C19orf44: variants seen among roughly 807,000 people sequenced by gnomAD.
The protein encoded by C19orf44 is uncharacterized protein C19orf44.
C19orf44 carries 43 observed loss-of-function variants against 50.7 expected under a neutral mutation model. That is an observed-to-expected ratio of 0.85 (90% confidence interval 0.66 to 1.09). C19orf44 has a LOEUF of 1.09. Ranked by LOEUF, C19orf44 falls within the 50% of genes least tolerant of loss-of-function variation. The pLI is 0.00. For missense variants in C19orf44, 722 were observed against 836.2 expected (o/e 0.86, Z 1.68); for synonymous variants, 298 against 334.7 (o/e 0.89, Z 1.20).
In C19orf44 at chr19:16,503,101, G is replaced by A. The variant is rs775675044; in HGVS notation, c.796G>A (p.Val266Met). The change falls in exon 3 of 9, where the codon GTG becomes ATG. Residue 266 changes from valine (V) to methionine (M), a missense_variant. Transcript: ENST00000221671. The part of the protein sequence containing the change: ...SQLRAFTVPS[V>M]ELSSAKPSQT... ...ACTGAGAGCATTTACTGTACCCAGC[G>A]TGGAACTCTCCAGCGCAAAGCCTTC... 50 of 1,613,898 alleles carry A rather than the reference G, an allele frequency of 3.1e-5. No homozygotes were observed. The highest frequency in any genetic ancestry group is 1.6e-4 in the Middle Eastern group (1 of 6,084).
Position 16,501,169 on chromosome 19 carries a change from G to T in C19orf44, c.377G>T (p.Gly126Val). The T allele has an allele frequency of 6.2e-7, 1 of 1,614,104 alleles. No individual in the cohort carries two copies. The highest frequency in any genetic ancestry group is 8.5e-7 in the Non-Finnish European group (1 of 1,180,050). Residue 126 changes from glycine to valine, a missense_variant, in exon 2 of 9, where the codon GGT becomes GTT. Transcript: ENST00000221671. ...TESDSMTADA[G>V]LPKRADRILS... is the part of the protein sequence containing the mutation. ...TCTGACTCAATGACCGCCGATGCTG[G>T]TCTTCCAAAGAGAGCTGACAGAATC...
chr19:16,503,317 G>A lies in C19orf44; in HGVS notation c.1012G>A (p.Gly338Arg), dbSNP rs2093431311. The A allele has an allele frequency of 6.2e-7, 1 of 1,614,036 alleles. No individual in the cohort carries two copies. The highest frequency in any genetic ancestry group is 8.5e-7 in the Non-Finnish European group (1 of 1,180,034). Reference sequence around the variant, plus strand: ...GCATGTCAAGCTTGTGTCCTCCCCGGGAAGGAGTGAGGCTGAGACTGTGGA... The same window carrying A: ...GCATGTCAAGCTTGTGTCCTCCCCGAGAAGGAGTGAGGCTGAGACTGTGGA... ...MGHVKLVSSP[G>R]RSEAETVDEP... The change falls in exon 3 of 9, where the codon GGA becomes AGA. Residue 338 changes from glycine (G) to arginine (R), a missense_variant. Gly to Arg is a moderately radical substitution (Grantham distance 125, BLOSUM62 -2). Coordinates refer to ENST00000221671, the MANE Select transcript of C19orf44 (RefSeq NM_032207.4).
intron 6 of C19orf44, among the ~76,000 whole-genome samples, chr19:16,514,154 A>G (rs1418937998): frequency 4.1e-5 from 6 of 144,942 alleles, no homozygotes; most frequent in African/African-American, 1.5e-4. Flanking sequence ...CACCTGGCTA[A>G]TTTTTTTTTT....
intron 5 of C19orf44, among the ~76,000 whole-genome samples, chr19:16,511,794 G>C (rs776047588): frequency 6.6e-6 from 1 of 151,868 alleles, no homozygotes; most frequent in African/African-American, 2.4e-5. Context: ...AAGGTAGACT[G>C]GATGTGAAAA....
chr19:16,514,609 G>T lies in C19orf44; in HGVS notation c.1848G>T (p.Leu616=). 2 of 1,600,678 alleles carry T rather than the reference G, an allele frequency of 1.2e-6. No individual in the cohort carries two copies. The highest frequency in any genetic ancestry group is 1.7e-6 in the Non-Finnish European group (2 of 1,174,874). ...GCCGGCACCTGCACGCCTCCCTCCT[G>T]CGCTCCCTGGACGCGGACTCCTTCC... ...QASRHLHASL[L]RSLDADSFHY... The change falls in exon 7 of 9, where the codon CTG becomes CTT. Residue 616 remains leucine (L), a synonymous_variant. Coordinates refer to ENST00000221671, the MANE Select transcript of C19orf44 (RefSeq NM_032207.4).
Position 16,520,852 on chromosome 19 carries a change from C to A in C19orf44, c.*799C>A. The A allele has an allele frequency of 6.2e-7, 1 of 1,613,912 alleles. No individual in the cohort carries two copies. Among genetic ancestry groups the A allele is most frequent in the Non-Finnish European group, 8.5e-7 (1 of 1,180,042 alleles). On this transcript the variant is annotated 3_prime_UTR_variant, in exon 9 of 9. Coordinates refer to ENST00000221671, the MANE Select transcript of C19orf44 (RefSeq NM_032207.4). This position sits in a 1 kb window ranked among gnomAD's most constrained non-coding sequence, Gnocchi z 4.0. ...TGTTCCTCTTCTCCTGGCCTTTCCT[C>A]CGCCGGGCCCGCATTTTTGCTCGGA...
At chr19:16,502,308 GCTCACTGCAA>G (rs1233195600) in intron 2 of C19orf44, among the ~76,000 whole-genome samples, 1 of 146,764 alleles carries the variant, frequency 6.8e-6, no homozygotes, top group Non-Finnish European at 1.5e-5. Context: ...CCTGATCTCG[GCTCACTGCAA>G]CTTCTGCCTC....
chr19:16,510,503 C>T (rs1345198518), intron 5 of C19orf44, among the ~76,000 whole-genome samples: 2 of 152,148 alleles, frequency 1.3e-5, no homozygotes, highest in East Asian at 3.9e-4. Context: ...AGCCCTGAAG[C>T]ATTCAGAAGG....
At chr19:16,507,023 A>G (rs997926123) in intron 4 of C19orf44, among the ~76,000 whole-genome samples, 1 of 152,088 alleles carries the variant, frequency 6.6e-6, no homozygotes, top group Non-Finnish European at 1.5e-5. Flanking sequence ...TTAGGCCTAT[A>G]GTTTTCAAAT....
Position 16,505,725 on chromosome 19 carries a change from C to T in C19orf44, c.1076-976C>T, listed in dbSNP as rs937803616. ...TGAGACGGAGCCTTGCTCTGTCACC[C>T]GGGCTGGAGTGCAGTGGCATGATCT... is the stretch of plus-strand genomic sequence containing the variant. On this transcript the variant is annotated intron_variant, in intron 3 of 8. Coordinates refer to ENST00000221671, the MANE Select transcript of C19orf44 (RefSeq NM_032207.4). Among the ~76,000 whole-genome samples, 10 of 152,124 alleles carry T rather than the reference C, an allele frequency of 6.6e-5. No individual in the cohort carries two copies. The South Asian group carries it at 1.4e-3, about 22-fold the overall frequency.
Position 16,509,706 on chromosome 19 carries a change from C to T in C19orf44, c.1357C>T (p.Gln453Ter). ...AIQQDSTSSM[Q>*]PPSEAPMVNT... The stretch of plus-strand genomic sequence containing the variant: ...CCAGCAGGACAGCACTTCCAGCATG[C>T]AGCCACCATCTGAAGCCCCCATGGT... The change falls in exon 5 of 9, where the codon CAG becomes TAG. Residue 453 changes from glutamine to a stop codon, truncating the protein, a stop_gained. Transcript: ENST00000221671. LOFTEE classifies it high-confidence loss of function. 6.2e-7 allele frequency: 1 copy of T among 1,614,256 alleles called. No homozygotes were observed. Among genetic ancestry groups the T allele is most frequent in the African/African-American group, 1.3e-5 (1 of 75,070 alleles).
In C19orf44 at chr19:16,517,309, C is replaced by CA. The variant is rs2085546522; in HGVS notation, c.*9dup. ...GTGAACAAGGAGCTGTGAGCGCCAGCAGGTGGAGCTTGACGTGACGTCTTA... is the reference window on the plus strand; with the variant it reads ...GTGAACAAGGAGCTGTGAGCGCCAGCAAGGTGGAGCTTGACGTGACGTCTTA... On this transcript the variant is annotated 3_prime_UTR_variant, in exon 8 of 9. Transcript: ENST00000221671. 1 of 1,613,544 alleles carries CA rather than the reference C, an allele frequency of 6.2e-7. No individual in the cohort carries two copies. The highest frequency in any genetic ancestry group is 1.3e-5 in the African/African-American group (1 of 74,944).
intron 8 of C19orf44, chr19:16,518,760 C>T (rs535821588): frequency 2.7e-5 from 6 of 224,576 alleles, no homozygotes; most frequent in Non-Finnish European, 4.4e-5. Context: ...GGTGCCGGCT[C>T]TGGCTCAGGC....
In C19orf44 at chr19:16,507,750, C is replaced by T. The variant is rs977109873; in HGVS notation, c.1149+976C>T. Among the ~76,000 whole-genome samples the T allele has an allele frequency of 5.9e-5, 9 of 151,774 alleles. 1 individual carries two copies. Among genetic ancestry groups the T allele is most frequent in the Admixed American group, 3.3e-4 (5 of 15,210 alleles). ...CAAGTGATCCACCTGCCTTGGCCCCCCAAAGTGCTGGGATTACAGGCATGA... is the reference window on the plus strand; with the variant it reads ...CAAGTGATCCACCTGCCTTGGCCCCTCAAAGTGCTGGGATTACAGGCATGA... On this transcript the variant is annotated intron_variant, in intron 4 of 8. Coordinates refer to ENST00000221671, the MANE Select transcript of C19orf44 (RefSeq NM_032207.4).
chr19:16,511,522 G>A (rs892094033), intron 5 of C19orf44, among the ~76,000 whole-genome samples: 1 of 152,000 alleles, frequency 6.6e-6, no homozygotes, highest in Non-Finnish European at 1.5e-5. Context: ...CTTCAGTCTC[G>A]GCTCTTGCTG....
chr19:16,514,725 G>A lies in C19orf44; in HGVS notation c.1902+62G>A, dbSNP rs1272615261. 6.6e-5 allele frequency: 95 copies of A among 1,444,798 alleles called. No individual in the cohort carries two copies. In the South Asian group the frequency reaches 1.0e-3, roughly 15 times the overall value. The allele number at this position is 1,444,798 out of a possible 1,614,324, so 89.5% of individuals were successfully genotyped here. On this transcript the variant is annotated intron_variant, in intron 7 of 8. Coordinates refer to ENST00000221671, the MANE Select transcript of C19orf44 (RefSeq NM_032207.4). ...AGGGGAGCGGCAGCTCCCAGAGGCC[G>A]GGCCGAAGGGATATGGGCCGGGGCC...
chr19:16,518,717 C>T (rs1245726628), intron 8 of C19orf44: 4 of 180,048 alleles, frequency 2.2e-5, no homozygotes, highest in South Asian at 1.2e-4. Flanking sequence ...AGGTCAGGGC[C>T]GGTGGGTGCG....
intron 5 of C19orf44, among the ~76,000 whole-genome samples, chr19:16,512,220 C>T (rs1471095503): frequency 6.6e-6 from 1 of 151,980 alleles, no homozygotes. Context: ...GGGATCTGGG[C>T]TCAGAATTGT....
At chr19:16,504,362 C>CT (rs1307391300) in intron 3 of C19orf44, among the ~76,000 whole-genome samples, 5 of 152,118 alleles carry the variant, frequency 3.3e-5, no homozygotes, top group African/African-American at 4.8e-5. Context: ...TTTTAGAACT[C>CT]TTTTTTTCAG....
Sources: allele counts gnomAD v4.1 joint callset (sites outside exome capture counted in the v4.1 genomes callset), GRCh38; gene constraint gnomAD v4.1.1; non-coding constraint Gnocchi (gnomAD v3.1); transcripts MANE v1.5; gene names NCBI Gene and HGNC (gene_info 2026-07-23, HGNC 2026-07-21).